Variants in CEP164 observed in about 807,000 individuals in gnomAD.
CEP164 encodes centrosomal protein of 164 kDa.
A neutral mutation model predicts 182.7 loss-of-function variants in CEP164; 162 were observed. The ratio of observed to expected loss-of-function variants is 0.89; its 90% CI spans 0.78 to 1.01. The LOEUF is 1.01. CEP164 is among the 50% of genes least tolerant of loss of function. CEP164 has a pLI of 0.00. For synonymous variants in CEP164, 661 were observed against 690.0 expected (o/e 0.96, Z 0.66); for missense variants, 1,735 against 1,790.4 (o/e 0.97, Z 0.56).
intron 5 of CEP164, among the ~76,000 whole-genome samples, chr11:117,361,625 AC>A (rs1271928651): frequency 2.6e-5 from 4 of 152,246 alleles, no homozygotes; most frequent in Middle Eastern, 3.4e-3. Flanking sequence ...ACAGCATGAG[AC>A]TTATGAGAAT....
At chr11:117,379,360 G>A (rs1021495068) in intron 11 of CEP164, among the ~76,000 whole-genome samples, 1 of 152,224 alleles carries the variant, frequency 6.6e-6, no homozygotes, top group Non-Finnish European at 1.5e-5. Flanking sequence ...TATGGGGGCT[G>A]TGGGCACAGG....
chr11:117,381,652 C>G, intron 12 of CEP164, 49 bp from the exon 13 acceptor site: 1 of 1,569,030 alleles, frequency 6.4e-7, no homozygotes, highest in East Asian at 2.3e-5. Context: ...TCTCTTCCCG[C>G]TCTCCAAATG....
intron 4 of CEP164, among the ~76,000 whole-genome samples, chr11:117,350,663 A>G (rs1004362555): frequency 4.6e-5 from 7 of 152,092 alleles, no homozygotes; most frequent in Non-Finnish European, 8.8e-5. Flanking sequence ...GTCAGATTTC[A>G]TAAGGAGCTT....
chr11:117,357,371 A>C (rs968167918), intron 5 of CEP164, among the ~76,000 whole-genome samples: 1 of 149,970 alleles, frequency 6.7e-6, no homozygotes, highest in Admixed American at 6.7e-5. Context: ...GGCCTCCCCA[A>C]GTGCTGGGAT....
chr11:117,325,799 C>T (rs1487295336), upstream of CEP164, among the ~76,000 whole-genome samples: 3 of 151,438 alleles, frequency 2.0e-5, no homozygotes, highest in Non-Finnish European at 2.9e-5. Flanking sequence ...AACATGATGA[C>T]GTCAATCTAA....
intron 4 of CEP164, 52 bp from the exon 5 acceptor site, chr11:117,351,738 T>A: frequency 6.7e-7 from 1 of 1,500,884 alleles, no homozygotes; most frequent in South Asian, 1.2e-5. Context: ...CTTTTTTTTT[T>A]CTTCTTTTGT....
chr11:117,340,085 G>T (rs2037874334), intron 3 of CEP164, among the ~76,000 whole-genome samples: 1 of 152,140 alleles, frequency 6.6e-6, no homozygotes, highest in East Asian at 1.9e-4. Context: ...GAGGGCAGTG[G>T]CGGGATCTCT....
In CEP164 at chr11:117,371,220, G is replaced by A; in HGVS notation, c.906G>A (p.Gln302=). The change falls in exon 9 of 33, where the codon CAG becomes CAA. Residue 302 remains glutamine (Q), a synonymous_variant. Coordinates refer to ENST00000278935, the MANE Select transcript of CEP164 (RefSeq NM_014956.5). ...GCAGTGCTGTTGGCAAAGGGCGACAGGGAAGTGGAGCAAGACCTGGTCTTC... is the reference window on the plus strand; with the variant it reads ...GCAGTGCTGTTGGCAAAGGGCGACAAGGAAGTGGAGCAAGACCTGGTCTTC... ...SLSSAVGKGR[Q]GSGARPGLPE... is the part of the protein sequence containing the mutation. The A allele has an allele frequency of 1.2e-6, 2 of 1,614,236 alleles. No individual in the cohort carries two copies. The highest frequency in any genetic ancestry group is 8.5e-7 in the Non-Finnish European group (1 of 1,180,042).
At position 117,412,429 on chromosome 11, in the gene CEP164, G is replaced by T; in HGVS notation, c.*261G>T. ...GCTGATGGCGTGCGGTGGCTGCGGG[G>T]TATCAGGGCCGGGAGCCCTTTGGGA... On this transcript the variant is annotated 3_prime_UTR_variant, in exon 33 of 33. Coordinates refer to ENST00000278935, the MANE Select transcript of CEP164 (RefSeq NM_014956.5). 1 of 354,618 alleles carries T rather than the reference G, an allele frequency of 2.8e-6. No individual in the cohort carries two copies. The highest frequency in any genetic ancestry group is 5.2e-6 in the Non-Finnish European group (1 of 191,358). The allele number at this position is 354,618 out of a possible 1,614,324, so 22.0% of individuals were successfully genotyped here.
intron 12 of CEP164, among the ~76,000 whole-genome samples, chr11:117,380,908 G>A (rs1774157006): frequency 6.6e-6 from 1 of 152,248 alleles, no homozygotes; most frequent in Non-Finnish European, 1.5e-5. Context: ...GGCAATGTGT[G>A]TATATGTTTG....
At chr11:117,321,870 G>GGT (rs1555071409) in intron 1 of CEP164, among the ~76,000 whole-genome samples, 2 of 150,138 alleles carry the variant, frequency 1.3e-5, no homozygotes, top group African/African-American at 2.5e-5. Flanking sequence ...AAATTTTTGG[G>GGT]TTTTTTTTTA....
intron 5 of CEP164, among the ~76,000 whole-genome samples, chr11:117,361,529 C>T (rs538483992): frequency 2.0e-5 from 3 of 152,088 alleles, no homozygotes; most frequent in East Asian, 3.9e-4. Flanking sequence ...ACTGAGCCAC[C>T]GAGCCCGGCC....
chr11:117,359,567 A>C, intron 5 of CEP164: 1 of 985,404 alleles, frequency 1.0e-6, no homozygotes, highest in Non-Finnish European at 1.2e-6. Flanking sequence ...ACAGGTGAGA[A>C]GATGGATCTT....
chr11:117,380,184 A>G (rs2043168748), intron 11 of CEP164, among the ~76,000 whole-genome samples: 1 of 151,990 alleles, frequency 6.6e-6, no homozygotes, highest in African/African-American at 2.4e-5. Context: ...CTGCCCTCGT[A>G]ATTTCAGCAC....
Position 117,394,286 on chromosome 11 carries a change from C to T in CEP164, c.2617-64C>T. On this transcript the variant is annotated intron_variant, in intron 20 of 32. Coordinates refer to ENST00000278935, the MANE Select transcript of CEP164 (RefSeq NM_014956.5). This position sits in a 1 kb window ranked among gnomAD's most constrained non-coding sequence, Gnocchi z 4.0. Reference sequence around the variant, plus strand: ...ATGCAAGGCTGCAGGGCTAGGGGAGCTGTGATTTTTGTGGTAGAAGGGGCT... The same window carrying T: ...ATGCAAGGCTGCAGGGCTAGGGGAGTTGTGATTTTTGTGGTAGAAGGGGCT... 1 of 1,548,408 alleles carries T rather than the reference C, an allele frequency of 6.5e-7. No homozygotes were observed. The highest frequency in any genetic ancestry group is 8.7e-7 in the Non-Finnish European group (1 of 1,144,488).
intron 8 of CEP164, among the ~76,000 whole-genome samples, chr11:117,366,869 G>C (rs1229806911): frequency 6.6e-6 from 1 of 152,052 alleles, no homozygotes; most frequent in Non-Finnish European, 1.5e-5. Flanking sequence ...CATGGCTTTT[G>C]GGGGGCATGT....
At chr11:117,327,230 G>T (rs180952366), upstream of CEP164, among the ~76,000 whole-genome samples, 2 of 152,168 alleles carry the variant, frequency 1.3e-5, no homozygotes. Context: ...GTTTTTTTGC[G>T]GGGAGAGATG....
rs550799764 is a variant in CEP164, at chr11:117,394,474, G to T, written c.2741G>T (p.Arg914Leu). 7.8e-5 allele frequency: 126 copies of T among 1,613,956 alleles called. 1 individual carries two copies. In the South Asian group the frequency reaches 1.3e-3, roughly 17 times the overall value. Residue 914 changes from arginine (R) to leucine (L), a missense_variant, in exon 21 of 33, where the codon CGG becomes CTG. Transcript: ENST00000278935. This position sits in a 1 kb window ranked among gnomAD's most constrained non-coding sequence, Gnocchi z 4.0. ...QEQHKRLEDL[R>L]RRHREQERKL... ...CAACACAAGCGTCTTGAGGACTTGC[G>T]GCGCCGGCACAGGGAGCAGGTGAGG... is the stretch of plus-strand genomic sequence containing the variant.
intron 4 of CEP164, among the ~76,000 whole-genome samples, chr11:117,348,270 C>A (rs1337018252): frequency 1.3e-5 from 2 of 151,920 alleles, no homozygotes; most frequent in Non-Finnish European, 2.9e-5. Context: ...CAGCGCCCAG[C>A]CTAGAAATAT....
Sources: allele counts gnomAD v4.1 joint callset (sites outside exome capture counted in the v4.1 genomes callset), GRCh38; gene constraint gnomAD v4.1.1; non-coding constraint Gnocchi (gnomAD v3.1); transcripts MANE v1.5; gene names NCBI Gene and HGNC (gene_info 2026-07-23, HGNC 2026-07-21).